CNTNAP5: variants seen among roughly 807,000 people sequenced by gnomAD.
CNTNAP5 encodes contactin-associated protein-like 5.
A neutral mutation model predicts 150.2 loss-of-function variants in CNTNAP5; 72 were observed. The ratio of observed to expected loss-of-function variants is 0.48; its 90% CI spans 0.40 to 0.58. CNTNAP5 has a LOEUF of 0.58. CNTNAP5 is among the 20% of genes least tolerant of loss of function. CNTNAP5 has a pLI of 0.00. For synonymous variants in CNTNAP5, 672 were observed against 619.8 expected (o/e 1.08, Z -1.25); for missense variants, 1,636 against 1,626.2 (o/e 1.01, Z -0.10).
intron 1 of CNTNAP5, among the ~76,000 whole-genome samples, chr2:124,200,642 A>C (rs928841111): frequency 6.6e-6 from 1 of 152,204 alleles, no homozygotes; most frequent in Non-Finnish European, 1.5e-5. Flanking sequence ...ACTTACTCAT[A>C]TTGTTTCACT....
intron 1 of CNTNAP5, among the ~76,000 whole-genome samples, chr2:124,161,990 G>A (rs1334976926): frequency 1.3e-5 from 2 of 152,054 alleles, no homozygotes; most frequent in African/African-American, 4.8e-5. Context: ...AATAATAAAA[G>A]GAAAAAAGGG....
chr2:124,525,391 A>G (rs1694940278), intron 9 of CNTNAP5, among the ~76,000 whole-genome samples: 1 of 152,202 alleles, frequency 6.6e-6, no homozygotes, highest in Non-Finnish European at 1.5e-5. Flanking sequence ...AGTGTGCCAC[A>G]TGGCAGGGGA....
intron 13 of CNTNAP5, among the ~76,000 whole-genome samples, chr2:124,649,482 G>A (rs1054650181): frequency 1.3e-5 from 2 of 152,092 alleles, no homozygotes; most frequent in South Asian, 2.1e-4. Context: ...GACTAATGGC[G>A]GGGCATGTTC....
intron 3 of CNTNAP5, among the ~76,000 whole-genome samples, chr2:124,250,437 G>A (rs1328554250): frequency 2.0e-5 from 3 of 152,136 alleles, no homozygotes; most frequent in Non-Finnish European, 4.4e-5. Context: ...GATGTGCCTG[G>A]GGGAGAGGCC....
intron 21 of CNTNAP5, among the ~76,000 whole-genome samples, chr2:124,901,517 G>C (rs1057388549): frequency 5.3e-5 from 8 of 152,102 alleles, no homozygotes; most frequent in African/African-American, 1.9e-4. Context: ...ATGGGATGTG[G>C]GTGGCTTCTA....
intron 1 of CNTNAP5, among the ~76,000 whole-genome samples, chr2:124,030,125 C>T (rs1223683592): frequency 6.6e-6 from 1 of 152,088 alleles, no homozygotes; most frequent in Non-Finnish European, 1.5e-5. Flanking sequence ...TGGATTAGAT[C>T]ATTATTATTA....
intron 17 of CNTNAP5, among the ~76,000 whole-genome samples, chr2:124,783,693 A>G (rs1681502024): frequency 6.6e-6 from 1 of 152,148 alleles, no homozygotes; most frequent in South Asian, 2.1e-4. Flanking sequence ...TGAGGTGTCA[A>G]AATTTGTAGT....
intron 19 of CNTNAP5, among the ~76,000 whole-genome samples, chr2:124,814,860 G>A (rs1573635742): frequency 6.6e-6 from 1 of 152,068 alleles, no homozygotes; most frequent in African/African-American, 2.4e-5. Context: ...TTAAAAGGGA[G>A]GCAATTTAAA....
chr2:124,374,882 TCAAGGACA>T (rs1318313970), intron 3 of CNTNAP5, among the ~76,000 whole-genome samples: 11 of 151,988 alleles, frequency 7.2e-5, no homozygotes, highest in African/African-American at 2.7e-4. Context: ...AAGGCCTATC[TCAAGGACA>T]CAGAAGTCAA....
intron 12 of CNTNAP5, among the ~76,000 whole-genome samples, chr2:124,612,608 T>C (rs1228370422): frequency 6.6e-6 from 1 of 152,204 alleles, no homozygotes; most frequent in Non-Finnish European, 1.5e-5. Context: ...TTTGCTGATA[T>C]GATCCTGAAG....
chr2:124,201,296 A>G (rs1057458262), intron 1 of CNTNAP5, among the ~76,000 whole-genome samples: 2 of 152,212 alleles, frequency 1.3e-5, no homozygotes, highest in African/African-American at 4.8e-5. Context: ...AGATGTAACA[A>G]TGTTTAATGA....
chr2:124,709,667 A>G (rs553204974), intron 13 of CNTNAP5, among the ~76,000 whole-genome samples: 332 of 152,286 alleles, frequency 2.2e-3, no homozygotes, highest in Non-Finnish European at 3.8e-3. Flanking sequence ...TTTTATCCCC[A>G]CTGGACAAAA....
At chr2:124,891,603 T>A (rs1678195889) in intron 21 of CNTNAP5, among the ~76,000 whole-genome samples, 1 of 152,080 alleles carries the variant, frequency 6.6e-6, no homozygotes, top group Admixed American at 6.6e-5. Context: ...ACCCTGGAAG[T>A]CTGATTCCTT....
At chr2:124,665,858 C>G (rs1038643932) in intron 13 of CNTNAP5, among the ~76,000 whole-genome samples, 2 of 150,164 alleles carry the variant, frequency 1.3e-5, no homozygotes, top group Non-Finnish European at 3.0e-5. Flanking sequence ...TGCACTCCGG[C>G]CTGGGCGACA....
chr2:124,729,142 A>C (rs1680218574), intron 13 of CNTNAP5, among the ~76,000 whole-genome samples: 1 of 152,054 alleles, frequency 6.6e-6, no homozygotes, highest in African/African-American at 2.4e-5. Flanking sequence ...TGGCTGCAGG[A>C]GTCAGCCCAC....
At chr2:124,748,712 G>A (rs778111756) in intron 14 of CNTNAP5, among the ~76,000 whole-genome samples, 4 of 152,140 alleles carry the variant, frequency 2.6e-5, no homozygotes, top group South Asian at 2.1e-4. Flanking sequence ...GAAAGGACCA[G>A]GCATCTGTCT....
intron 3 of CNTNAP5, among the ~76,000 whole-genome samples, chr2:124,373,323 G>T (rs1049067386): frequency 1.3e-5 from 2 of 152,120 alleles, no homozygotes; most frequent in Non-Finnish European, 2.9e-5. Context: ...CCATTGAAAG[G>T]ATCCTGGCAT....
At chr2:124,618,037 T>C (rs1457183638) in intron 12 of CNTNAP5, among the ~76,000 whole-genome samples, 1 of 152,108 alleles carries the variant, frequency 6.6e-6, no homozygotes, top group African/African-American at 2.4e-5. Flanking sequence ...GCTGACTTGA[T>C]AGGTTGGAAC....
At chr2:124,484,526 C>A (rs575093826) in intron 7 of CNTNAP5, among the ~76,000 whole-genome samples, 1 of 152,270 alleles carries the variant, frequency 6.6e-6, no homozygotes, top group East Asian at 1.9e-4. Context: ...ATAATAATGC[C>A]TACTTTACAT....
Sources: allele counts gnomAD v4.1 joint callset (sites outside exome capture counted in the v4.1 genomes callset), GRCh38; gene constraint gnomAD v4.1.1; transcripts MANE v1.5; gene names NCBI Gene and HGNC (gene_info 2026-07-23, HGNC 2026-07-21).